Variants in GLRA3 observed in about 807,000 individuals in gnomAD.
GLRA3 encodes the protein glycine receptor subunit alpha-3.
Under a neutral mutation model 60.4 loss-of-function variants are expected in GLRA3, and 44 were observed. The observed-to-expected ratio is 0.73, with a 90% confidence interval of 0.57 to 0.94. The LOEUF (loss-of-function observed/expected upper bound fraction) is 0.94, where lower values mean the gene tolerates loss of function less well. Among genes scored for constraint, GLRA3 ranks in the 40% least tolerant of loss-of-function variants. The probability of loss-of-function intolerance (pLI) is 0.00; values close to 1 mark genes in which losing one functional copy is unlikely to be tolerated. For synonymous variants in GLRA3, 223 were observed against 192.9 expected (o/e 1.16, Z -1.29); for missense variants, 508 against 564.6 (o/e 0.90, Z 1.02).
chr4:174,786,843 G>T (rs1739148037), intron 2 of GLRA3, among the ~76,000 whole-genome samples: 1 of 152,058 alleles, frequency 6.6e-6, no homozygotes, highest in Admixed American at 6.6e-5. Context: ...AAAACAATGA[G>T]AGAAAATCTT....
intron 7 of GLRA3, among the ~76,000 whole-genome samples, chr4:174,664,678 T>A (rs1278845653): frequency 6.6e-6 from 1 of 152,210 alleles, no homozygotes; most frequent in Admixed American, 6.6e-5. Flanking sequence ...AGTTAGTGAA[T>A]CTTAAATGCA....
At chr4:174,798,885 C>T (rs1739689661) in intron 1 of GLRA3, among the ~76,000 whole-genome samples, 1 of 151,558 alleles carries the variant, frequency 6.6e-6, no homozygotes, top group Non-Finnish European at 1.5e-5. Context: ...AGCACCACTG[C>T]ACTCCAGCCT....
At chr4:174,703,649 T>G (rs1735406836) in intron 5 of GLRA3, among the ~76,000 whole-genome samples, 1 of 152,190 alleles carries the variant, frequency 6.6e-6, no homozygotes, top group Non-Finnish European at 1.5e-5. Flanking sequence ...TGTGGTCTTC[T>G]ATGTTTAAAG....
At chr4:174,746,408 T>A (rs1737248826) in intron 3 of GLRA3, among the ~76,000 whole-genome samples, 1 of 152,100 alleles carries the variant, frequency 6.6e-6, no homozygotes, top group African/African-American at 2.4e-5. Flanking sequence ...AGACAAATAT[T>A]GCACCTTCAC....
chr4:174,746,724 C>T (rs566748461), intron 3 of GLRA3, among the ~76,000 whole-genome samples: 2 of 152,140 alleles, frequency 1.3e-5, no homozygotes, highest in Non-Finnish European at 2.9e-5. Context: ...ATTTCTGATA[C>T]CAATACATAA....
chr4:174,695,518 G>A (rs1735018425), intron 5 of GLRA3, among the ~76,000 whole-genome samples: 1 of 152,022 alleles, frequency 6.6e-6, no homozygotes, highest in Admixed American at 6.5e-5. Flanking sequence ...CTCAGAGAAA[G>A]CTTTTGATAA....
chr4:174,715,391 C>T lies in GLRA3; in HGVS notation c.574+97G>A, dbSNP rs1735875234. ...CATGCCTATTCAGTAAATATGTGAC[C>T]AAAATGATTACAAAATAAATTATCC... is the stretch of plus-strand genomic sequence containing the variant. On this transcript the variant is annotated intron_variant, in intron 5 of 9. Transcript: ENST00000274093. 1.4e-5 allele frequency: 9 copies of T among 665,358 alleles called. No homozygotes were observed. The South Asian group carries it at 1.5e-4, about 11-fold the overall frequency. The allele number at this position is 665,358 out of a possible 1,614,324, so 41.2% of individuals were successfully genotyped here.
At chr4:174,712,925 A>G (rs534468475) in intron 5 of GLRA3, 2 of 152,078 alleles carry the variant, frequency 1.3e-5, no homozygotes, top group African/African-American at 4.8e-5. Flanking sequence ...ATATACACAC[A>G]TATGTATATA....
intron 5 of GLRA3, among the ~76,000 whole-genome samples, chr4:174,696,801 A>C (rs1020014841): frequency 6.6e-6 from 1 of 152,118 alleles, no homozygotes; most frequent in Non-Finnish European, 1.5e-5. Flanking sequence ...CATAGAAACA[A>C]ACACAAATGC....
chr4:174,703,683 G>A (rs1484621113), intron 5 of GLRA3, among the ~76,000 whole-genome samples: 1 of 152,124 alleles, frequency 6.6e-6, no homozygotes, highest in Non-Finnish European at 1.5e-5. Context: ...CTAGAGTTGA[G>A]ATGACTTTTG....
intron 9 of GLRA3, among the ~76,000 whole-genome samples, chr4:174,646,682 G>T (rs1446860739): frequency 1.3e-5 from 2 of 152,184 alleles, no homozygotes. Context: ...AGGGGCAAAG[G>T]AAGCTCTTGA....
At chr4:174,744,849 A>T (rs566531392) in intron 3 of GLRA3, among the ~76,000 whole-genome samples, 1 of 152,326 alleles carries the variant, frequency 6.6e-6, no homozygotes, top group South Asian at 2.1e-4. Flanking sequence ...CAAAATTATG[A>T]TATTAAAAAA....
chr4:174,644,231 T>A (rs1377623764), intron 9 of GLRA3, among the ~76,000 whole-genome samples, 167 bp from the exon 10 acceptor site: 1 of 152,160 alleles, frequency 6.6e-6, no homozygotes, highest in Non-Finnish European at 1.5e-5. Flanking sequence ...TATTGAAGTT[T>A]TATTAATTTA....
intron 4 of GLRA3, among the ~76,000 whole-genome samples, chr4:174,721,633 A>G (rs769851044): frequency 4.6e-5 from 7 of 151,824 alleles, no homozygotes; most frequent in Non-Finnish European, 1.0e-4. Context: ...ATGGCTGCTC[A>G]GAGGTTCTCC....
chr4:174,767,461 C>T (rs1015951791), intron 2 of GLRA3, among the ~76,000 whole-genome samples: 1 of 151,938 alleles, frequency 6.6e-6, no homozygotes, highest in African/African-American at 2.4e-5. Flanking sequence ...ACTCTGGAAA[C>T]CAGGCCTTCC....
In GLRA3 at chr4:174,829,006, A is replaced by T; in HGVS notation, c.-195T>A. 1.8e-6 allele frequency: 1 copy of T among 554,398 alleles called. No individual in the cohort carries two copies. The highest frequency in any genetic ancestry group is 3.2e-6 in the Non-Finnish European group (1 of 309,678). The allele number at this position is 554,398 out of a possible 1,614,324, so 34.3% of individuals were successfully genotyped here. A position where few individuals can be genotyped will look rare whatever the true frequency, so the allele number is the denominator to read the frequency against. ...GCATTGAGCAGAAGTGGAGAGTCAC[A>T]GTGTTATAAATGTGCAGGTGATTTT... On this transcript the variant is annotated 5_prime_UTR_variant, in exon 1 of 10. Coordinates refer to ENST00000274093, the MANE Select transcript of GLRA3 (RefSeq NM_006529.4).
chr4:174,773,312 TG>T (rs912936015), intron 2 of GLRA3, among the ~76,000 whole-genome samples: 3 of 91,016 alleles, frequency 3.3e-5, no homozygotes, highest in Non-Finnish European at 4.8e-5. Flanking sequence ...TTCGTTTAGA[TG>T]TTTTTTTTTT....
intron 5 of GLRA3, among the ~76,000 whole-genome samples, chr4:174,694,831 G>C (rs1284668893): frequency 6.6e-6 from 1 of 151,874 alleles, no homozygotes; most frequent in East Asian, 1.9e-4. Flanking sequence ...CCACTAGCTA[G>C]ACTAATAAAG....
At chr4:174,702,696 T>G (rs774636622) in intron 5 of GLRA3, among the ~76,000 whole-genome samples, 1 of 152,212 alleles carries the variant, frequency 6.6e-6, no homozygotes. Context: ...GCCTCCTGAA[T>G]AGCTAGGACT....
Sources: gnomAD v4.1 joint callset for allele counts (sites outside exome capture counted in the v4.1 genomes callset) on GRCh38, gnomAD v4.1.1 for gene constraint, MANE v1.5 for transcripts, NCBI Gene and HGNC (gene_info 2026-07-23, HGNC 2026-07-21) for gene names.